Variants in TNFRSF10B observed in about 807,000 individuals in gnomAD.
The protein encoded by TNFRSF10B is tumor necrosis factor receptor superfamily member 10B.
A neutral mutation model predicts 41.4 loss-of-function variants in TNFRSF10B; 35 were observed. The observed-to-expected ratio is 0.85, with a 90% CI of 0.65 to 1.12. The LOEUF (loss-of-function observed/expected upper bound fraction) is 1.12. TNFRSF10B is among the 50% of genes most tolerant of loss of function. The pLI is 0.00. For missense variants in TNFRSF10B, 584 were observed against 552.7 expected (o/e 1.06, Z -0.57); for synonymous variants, 230 against 215.5 (o/e 1.07, Z -0.59).
At position 23,064,437 on chromosome 8, in the gene TNFRSF10B, G is replaced by A. The variant is rs116541329; in HGVS notation, c.144+4314C>T. 9.7e-3 allele frequency among the ~76,000 whole-genome samples: 1,484 copies of A among 152,360 alleles called. 30 individuals are homozygous for A. Among genetic ancestry groups the A allele is most frequent in the African/African-American group, 0.034 (1,402 of 41,584 alleles). ...GCCGTCCGTGGGCCTCTCTGATTGA[G>A]GGAGAATGGGCGTGTGGCCAGAGAT... On this transcript the variant is annotated intron_variant, in intron 1 of 8. Transcript: ENST00000276431.
intron 1 of TNFRSF10B, among the ~76,000 whole-genome samples, chr8:23,059,014 C>G (rs183612366): frequency 6.6e-6 from 1 of 152,160 alleles, no homozygotes; most frequent in Non-Finnish European, 1.5e-5. Context: ...TCCCATTCTT[C>G]CCTCCTTACA....
chr8:23,066,728 T>C (rs1462170231), intron 1 of TNFRSF10B, among the ~76,000 whole-genome samples: 7 of 151,246 alleles, frequency 4.6e-5, no homozygotes, highest in Admixed American at 1.3e-4. Flanking sequence ...AAACCCCGTC[T>C]CTACTAAAAA....
chr8:23,067,963 C>T (rs1230924938), intron 1 of TNFRSF10B, among the ~76,000 whole-genome samples: 1 of 152,204 alleles, frequency 6.6e-6, no homozygotes, highest in African/African-American at 2.4e-5. Flanking sequence ...CCATGCTGTT[C>T]CCTACAAAGC....
intron 6 of TNFRSF10B, 23 bp from the exon 7 acceptor site, chr8:23,027,311 C>T (rs967484179): frequency 1.2e-6 from 2 of 1,613,784 alleles, no homozygotes; most frequent in African/African-American, 1.3e-5. Context: ...ATTGGGAAGG[C>T]AAAAAGCCGA....
chr8:23,039,418 T>C (rs1488347192), intron 2 of TNFRSF10B, among the ~76,000 whole-genome samples: 1 of 152,006 alleles, frequency 6.6e-6, no homozygotes, highest in Non-Finnish European at 1.5e-5. Flanking sequence ...ACAGCTCAGG[T>C]CTGAAGGCTG....
rs117947202 is a variant in TNFRSF10B at position 23,038,475 on chromosome 8, G to A, written c.250+4663C>T. 8.1e-3 allele frequency among the ~76,000 whole-genome samples: 1,235 copies of A among 152,322 alleles called. 8 individuals carry two copies. Among genetic ancestry groups the A allele is most frequent in the Non-Finnish European group, 0.015 (987 of 68,032 alleles). ...TTCTTCCTTATTGTGTTATGTGTGT[G>A]TGTTTATGTGTAAATATATGTTAAG... On this transcript the variant is annotated intron_variant, in intron 2 of 8. Coordinates refer to ENST00000276431, the MANE Select transcript of TNFRSF10B (RefSeq NM_003842.5).
In TNFRSF10B at chr8:23,037,793, G is replaced by C. The variant is rs1392079799; in HGVS notation, c.250+5345C>G. Among the ~76,000 whole-genome samples the C allele has an allele frequency of 2.0e-5, 3 of 152,196 alleles. No homozygotes were observed. The East Asian group carries it at 5.8e-4, about 29-fold the overall frequency. ...TTCTCCAGGAGACTGTCTATGCTCT[G>C]AATTATCCTCCAATACATGCGGTTG... On this transcript the variant is annotated intron_variant, in intron 2 of 8. Transcript: ENST00000276431.
At chr8:23,052,200 A>G (rs1440908290) in intron 1 of TNFRSF10B, among the ~76,000 whole-genome samples, 1 of 152,152 alleles carries the variant, frequency 6.6e-6, no homozygotes, top group African/African-American at 2.4e-5. Context: ...TAAACAACAG[A>G]TATCTAATTA....
intron 1 of TNFRSF10B, among the ~76,000 whole-genome samples, chr8:23,044,485 C>G (rs1812296975): frequency 6.6e-6 from 1 of 152,126 alleles, no homozygotes; most frequent in African/African-American, 2.4e-5. Flanking sequence ...AAAAAGCCAA[C>G]AATGTGATTA....
chr8:23,048,370 A>T (rs1812422898), intron 1 of TNFRSF10B, among the ~76,000 whole-genome samples: 1 of 145,698 alleles, frequency 6.9e-6, no homozygotes, highest in African/African-American at 2.5e-5. Flanking sequence ...CGGGAGGCGG[A>T]GGTTGCAGTG....
rs201130588 is a variant in TNFRSF10B at position 23,022,843 on chromosome 8, G to A, written c.1151C>T (p.Thr384Met). 192 of 1,613,990 alleles carry A rather than the reference G, an allele frequency of 1.2e-4. No homozygotes were observed. The highest frequency in any genetic ancestry group is 1.5e-4 in the Non-Finnish European group (175 of 1,180,038). Residue 384 changes from threonine to methionine, a missense_variant, in exon 9 of 9, where the codon ACG (threonine) becomes ATG (methionine). By Grantham distance (81) the Thr-to-Met change is moderately conservative. Coordinates refer to ENST00000276431, the MANE Select transcript of TNFRSF10B (RefSeq NM_003842.5). ...TTTGTTGACCCACTTTATCAGCATC[G>A]TGTACAAGGTGTCCCTGTGGCCCGC... Reference protein sequence around the residue: ...EAAGHRDTLYTMLIKWVNKTG... With the variant: ...EAAGHRDTLYMMLIKWVNKTG...
At chr8:23,059,294 C>T (rs774332101) in intron 1 of TNFRSF10B, among the ~76,000 whole-genome samples, 13 of 152,174 alleles carry the variant, frequency 8.5e-5, no homozygotes, top group East Asian at 1.9e-4. Flanking sequence ...CTGCTATAAA[C>T]GTGGGTGTAC....
chr8:23,048,948 G>C (rs996481912), intron 1 of TNFRSF10B, among the ~76,000 whole-genome samples: 2 of 152,066 alleles, frequency 1.3e-5, no homozygotes, highest in African/African-American at 4.8e-5. Flanking sequence ...TTTTAAAAAG[G>C]GCAAAGGACT....
In TNFRSF10B at chr8:23,024,045, G is replaced by C. The variant is rs905026833; in HGVS notation, c.1009+143C>G. The C allele has an allele frequency of 1.8e-5, 17 of 968,826 alleles. No homozygotes were observed. In the Admixed American group the frequency reaches 3.0e-4, roughly 17 times the overall value. 60.0% of individuals were successfully genotyped at this position (968,826 alleles called of 1,614,324 possible). On this transcript the variant is annotated intron_variant, in intron 8 of 8. Transcript: ENST00000276431. ...AGAAGAGATGGGAGAAGACAGTTTA[G>C]GGTCCAGATGGTCTATAGCACAGGA...
Position 23,020,776 on chromosome 8 carries a change from G to A in TNFRSF10B, c.*1895C>T, listed in dbSNP as rs1811493242. The A allele has an allele frequency of 4.4e-6, 2 of 453,996 alleles. No homozygotes were observed. The highest frequency in any genetic ancestry group is 1.6e-5 in the South Asian group (1 of 64,484). 28.1% of individuals were successfully genotyped at this position (453,996 alleles called of 1,614,324 possible). On this transcript the variant is annotated 3_prime_UTR_variant, in exon 9 of 9. Coordinates refer to ENST00000276431, the MANE Select transcript of TNFRSF10B (RefSeq NM_003842.5). ...ATCTTCTAGGAAGGCCTCTGTGGAA[G>A]GGACAAGGGACCTGGGACCGGACTG...
At chr8:23,054,948 T>C (rs1812621151) in intron 1 of TNFRSF10B, among the ~76,000 whole-genome samples, 1 of 152,192 alleles carries the variant, frequency 6.6e-6, no homozygotes, top group South Asian at 2.1e-4. Context: ...AGTCCTACCA[T>C]GATTTGTCTT....
At chr8:23,064,692 G>A (rs1208386091) in intron 1 of TNFRSF10B, among the ~76,000 whole-genome samples, 1 of 152,186 alleles carries the variant, frequency 6.6e-6, no homozygotes, top group African/African-American at 2.4e-5. Flanking sequence ...CACCAAGTTT[G>A]AGCATAAAAC....
chr8:23,028,268 G>T lies in TNFRSF10B; in HGVS notation c.748+63C>A, dbSNP rs1016647522. The T allele has an allele frequency of 1.6e-5, 25 of 1,608,204 alleles. No individual in the cohort carries two copies. The African/African-American group carries it at 2.8e-4, about 18-fold the overall frequency. ...CAGGGGCAGGCGTTTCTGTCTGTGG[G>T]AATAGGGTGGGAGGGGGCAGGGCAG... On this transcript the variant is annotated intron_variant, in intron 5 of 8. Coordinates refer to ENST00000276431, the MANE Select transcript of TNFRSF10B (RefSeq NM_003842.5).
chr8:23,065,562 C>T (rs941182110), intron 1 of TNFRSF10B, among the ~76,000 whole-genome samples: 5 of 152,184 alleles, frequency 3.3e-5, no homozygotes, highest in Admixed American at 6.5e-5. Flanking sequence ...GTGGACAGAA[C>T]GCATGCCAGG....
Sources: allele counts gnomAD v4.1 joint callset (sites outside exome capture counted in the v4.1 genomes callset), GRCh38; gene constraint gnomAD v4.1.1; transcripts MANE v1.5; gene names NCBI Gene and HGNC (gene_info 2026-07-23, HGNC 2026-07-21).